PKD1L1: variants seen among roughly 807,000 people sequenced by gnomAD.
The protein encoded by PKD1L1 is polycystin 1 like 1, transient receptor potential channel interacting.
Under a neutral mutation model 323.4 loss-of-function variants are expected in PKD1L1, and 236 were observed. That is an observed-to-expected ratio of 0.73 (90% confidence interval 0.66 to 0.81). PKD1L1 has a LOEUF of 0.81. PKD1L1 is among the 40% of genes least tolerant of loss of function. The pLI, the probability that PKD1L1 is intolerant of heterozygous loss-of-function variation, is 0.00. For missense variants in PKD1L1, 3,320 were observed against 3,508.0 expected (o/e 0.95, Z 1.35); for synonymous variants, 1,344 against 1,335.0 (o/e 1.01, Z -0.15).
At chr7:47,804,035 C>T (rs2128727051) in intron 52 of PKD1L1, among the ~76,000 whole-genome samples, 1 of 152,326 alleles carries the variant, frequency 6.6e-6, no homozygotes, top group East Asian at 1.9e-4. Context: ...ATCTCATATG[C>T]TCTCACCAAA....
chr7:47,887,602 C>T (rs867623188), intron 17 of PKD1L1, among the ~76,000 whole-genome samples: 5 of 152,268 alleles, frequency 3.3e-5, no homozygotes, highest in African/African-American at 9.6e-5. Context: ...CGCCCTGGTT[C>T]CTCTGCTCAT....
chr7:47,832,519 A>C (rs1206331496), intron 41 of PKD1L1, among the ~76,000 whole-genome samples: 1 of 152,218 alleles, frequency 6.6e-6, no homozygotes, highest in Non-Finnish European at 1.5e-5. Context: ...CAAGCACCTG[A>C]ATCCAGCACA....
In PKD1L1 at chr7:47,855,222, C is replaced by A. The variant is rs1276142802; in HGVS notation, c.4634G>T (p.Arg1545Ile). The change falls in exon 29 of 57, where the codon AGA becomes ATA. Residue 1545 changes from arginine (R) to isoleucine (I), a missense_variant. Coordinates refer to ENST00000289672, the MANE Select transcript of PKD1L1 (RefSeq NM_138295.5). ...TAGCCATTGCCTGTTGATGGGTCTTCTGCTGGAGCAGGTATAGAGGTTGAG... is the reference window on the plus strand; with the variant it reads ...TAGCCATTGCCTGTTGATGGGTCTTATGCTGGAGCAGGTATAGAGGTTGAG... Reference protein sequence around the residue: ...VGLNLYTCSSRRPINRQWLRK... With the variant: ...VGLNLYTCSSIRPINRQWLRK... 1 of 1,614,060 alleles carries A rather than the reference C, an allele frequency of 6.2e-7. No homozygotes were observed. The highest frequency in any genetic ancestry group is 1.7e-5 in the Admixed American group (1 of 60,002).
At chr7:47,940,450 G>T (rs188223858) in intron 2 of PKD1L1, 133 bp from the exon 3 acceptor site, 65 of 810,556 alleles carry the variant, frequency 8.0e-5, no homozygotes, top group Non-Finnish European at 1.1e-4. Flanking sequence ...TGATCATGAA[G>T]ATGCGTGTCC....
intron 24 of PKD1L1, among the ~76,000 whole-genome samples, chr7:47,867,866 G>A (rs1583633165): frequency 6.6e-6 from 1 of 152,030 alleles, no homozygotes; most frequent in East Asian, 1.9e-4. Context: ...AGAAAAGAAA[G>A]AATCTAGAAA....
At chr7:47,832,476 G>A (rs1785367139) in intron 41 of PKD1L1, among the ~76,000 whole-genome samples, 2 of 152,190 alleles carry the variant, frequency 1.3e-5, no homozygotes, top group African/African-American at 4.8e-5. Flanking sequence ...ACCAAACATA[G>A]CTGCACGCAC....
At chr7:47,890,868 A>T in intron 15 of PKD1L1, 105 bp from the exon 16 acceptor site, 1 of 954,374 alleles carries the variant, frequency 1.0e-6, no homozygotes, top group South Asian at 1.5e-5. Flanking sequence ...ACCACAGGGG[A>T]CACGTGCTGG....
rs146088959 is a variant in PKD1L1, at chr7:47,852,723, G to A, written c.4960+404C>T. ...AGGGGGTCCTGTGCCCTATTGATAC[G>A]TGAGACACAGAGACGTCTCAGAAGT... On this transcript the variant is annotated intron_variant, in intron 31 of 56. Coordinates refer to ENST00000289672, the MANE Select transcript of PKD1L1 (RefSeq NM_138295.5). 1.4e-3 allele frequency among the ~76,000 whole-genome samples: 211 copies of A among 152,278 alleles called. 3 individuals are homozygous for A. The highest frequency in any genetic ancestry group is 4.9e-3 in the African/African-American group (204 of 41,568).
At chr7:47,927,617 C>T (rs1002578449) in intron 7 of PKD1L1, among the ~76,000 whole-genome samples, 1 of 152,174 alleles carries the variant, frequency 6.6e-6, no homozygotes, top group African/African-American at 2.4e-5. Flanking sequence ...TTAGATGGAA[C>T]TGTGAAAGTG....
At chr7:47,782,520 A>G (rs1366787211) in intron 56 of PKD1L1, among the ~76,000 whole-genome samples, 3 of 152,252 alleles carry the variant, frequency 2.0e-5, no homozygotes, top group Non-Finnish European at 4.4e-5. Context: ...GAAGCCAGGA[A>G]GAAGGTCACC....
Position 47,943,164 on chromosome 7 carries a change from ATATATATATATAT to A in PKD1L1, c.160+219_160+231del, listed in dbSNP as rs1325279214. Among the ~76,000 whole-genome samples, 41 of 25,674 alleles carry A rather than the reference ATATATATATATAT, an allele frequency of 1.6e-3. 2 individuals carry two copies. Among genetic ancestry groups the A allele is most frequent in the African/African-American group, 5.0e-3 (37 of 7,424 alleles). The allele number at this position is 25,674 out of a possible 152,430, so 16.8% of individuals were successfully genotyped here. ...CCGTCTCAAAAAAAAAAAAAAAAAA[ATATATATATATAT>A]ATATATATATATATATATATGTGTG... On this transcript the variant is annotated intron_variant, in intron 2 of 56. Transcript: ENST00000289672.
chr7:47,846,985 T>C lies in PKD1L1; in HGVS notation c.5047A>G (p.Thr1683Ala), dbSNP rs73331766. 3.4e-3 allele frequency: 5,520 copies of C among 1,613,764 alleles called. 180 individuals are homozygous for C. The African/African-American group carries it at 0.065, about 19-fold the overall frequency. The change falls in exon 32 of 57, where the codon ACA becomes GCA. Residue 1683 changes from threonine (T) to alanine (A), a missense_variant. Coordinates refer to ENST00000289672, the MANE Select transcript of PKD1L1 (RefSeq NM_138295.5). ...CATCGGATCCACTGGAAATGTACTG[T>C]ATAGTTCACTGCCTTAGCTAAATAT... ...NRYLAKAVNYTVHFQWIRCLF... is the reference protein window; with the variant it reads ...NRYLAKAVNYAVHFQWIRCLF...
chr7:47,856,489 TAC>T (rs1562960869), intron 28 of PKD1L1, among the ~76,000 whole-genome samples: 1 of 152,224 alleles, frequency 6.6e-6, no homozygotes, highest in African/African-American at 2.4e-5. Flanking sequence ...AGCAAATAAA[TAC>T]GACAAGACAT....
chr7:47,908,481 T>C (rs958425000), intron 8 of PKD1L1, among the ~76,000 whole-genome samples: 2 of 152,224 alleles, frequency 1.3e-5, no homozygotes, highest in African/African-American at 4.8e-5. Context: ...TCTGCTATCT[T>C]GAAATTCTTC....
chr7:47,788,588 TTAA>T (rs1488263123), intron 56 of PKD1L1, among the ~76,000 whole-genome samples: 2 of 142,706 alleles, frequency 1.4e-5, no homozygotes, highest in Non-Finnish European at 3.0e-5. Context: ...TTTTTTTTTT[TTAA>T]TTTTAATTTT....
At chr7:47,812,130 C>A in intron 49 of PKD1L1, 79 bp from the exon 50 acceptor site, 1 of 1,225,278 alleles carries the variant, frequency 8.2e-7, no homozygotes, top group Non-Finnish European at 1.2e-6. Context: ...AGCTGCAGGT[C>A]CCATGCTGGG....
At position 47,867,414 on chromosome 7, in the gene PKD1L1, T is replaced by C. The variant is rs373299139; in HGVS notation, c.3897-800A>G. ...CTTTACAGAATTCGTCTTGCCAAACTAATAAACATATAAACCAATGACCAA... is the reference window on the plus strand; with the variant it reads ...CTTTACAGAATTCGTCTTGCCAAACCAATAAACATATAAACCAATGACCAA... On this transcript the variant is annotated intron_variant, in intron 24 of 56. Transcript: ENST00000289672. 2.6e-5 allele frequency among the ~76,000 whole-genome samples: 4 copies of C among 152,162 alleles called. No homozygotes were observed. In the South Asian group the frequency reaches 6.2e-4, roughly 24 times the overall value.
intron 8 of PKD1L1, among the ~76,000 whole-genome samples, chr7:47,910,937 G>T: frequency 6.6e-6 from 1 of 151,390 alleles, no homozygotes; most frequent in East Asian, 1.9e-4. Context: ...ATCCACCTCA[G>T]CCTCCCAAAG....
chr7:47,794,815 T>A (rs944213386), intron 55 of PKD1L1, among the ~76,000 whole-genome samples: 1 of 152,146 alleles, frequency 6.6e-6, no homozygotes, highest in African/African-American at 2.4e-5. Context: ...ATCACCTACA[T>A]GTGAGCCCTG....
Sources: allele counts gnomAD v4.1 joint callset (sites outside exome capture counted in the v4.1 genomes callset), GRCh38; gene constraint gnomAD v4.1.1; transcripts MANE v1.5; gene names NCBI Gene and HGNC (gene_info 2026-07-23, HGNC 2026-07-21).